The following CORO6 variants were observed in gnomAD, a reference collection of about 807,000 sequenced individuals.
The protein encoded by CORO6 is coronin 6.
Under a neutral mutation model 49.0 loss-of-function variants are expected in CORO6, and 43 were observed. The ratio of observed to expected loss-of-function variants is 0.88; its 90% confidence interval spans 0.69 to 1.13. CORO6 has a LOEUF of 1.13. CORO6 is among the 50% of genes most tolerant of loss of function. CORO6 has a pLI of 0.00. For synonymous variants in CORO6, 233 were observed against 256.5 expected (o/e 0.91, Z 0.88); for missense variants, 650 against 647.0 (o/e 1.00, Z -0.05).
rs780518511 is a variant in CORO6 at position 29,621,327 on chromosome 17, T to C, written c.95A>G (p.Lys32Arg). The C allele has an allele frequency of 3.7e-6, 6 of 1,614,188 alleles. No homozygotes were observed. Among genetic ancestry groups the C allele is most frequent in the Non-Finnish European group, 5.1e-6 (6 of 1,180,036 alleles). Residue 32 changes from lysine to arginine, a missense_variant, in exon 2 of 11, where the codon AAG (lysine) becomes AGG (arginine). Coordinates refer to ENST00000388767, the MANE Select transcript of CORO6 (RefSeq NM_032854.4). The surrounding 1 kb of genome is among the most constrained non-coding windows in gnomAD (Gnocchi z 4.2). The stretch of plus-strand genomic sequence containing the variant: ...ACAGAAGGAGCTGTCCCATGTGACC[T>C]TGGACACACGGATGTCCTCGTAGGC... The part of the protein sequence containing the change: ...DQAYEDIRVS[K>R]VTWDSSFCAV...
chr17:29,618,595 A>G, intron 5 of CORO6, 195 bp downstream of exon 5: 1 of 1,410,980 alleles, frequency 7.1e-7, no homozygotes, highest in Non-Finnish European at 9.2e-7. Flanking sequence ...GGAGCCGGGC[A>G]GAGAATTGCA....
Position 29,622,848 on chromosome 17 carries a change from C to T in CORO6, c.-224G>A. The T allele has an allele frequency of 6.9e-6, 9 of 1,303,024 alleles. No homozygotes were observed. The highest frequency in any genetic ancestry group is 9.1e-6 in the Non-Finnish European group (9 of 990,074). 80.7% of individuals were successfully genotyped at this position (1,303,024 alleles called of 1,614,324 possible). A position where few individuals can be genotyped will look rare whatever the true frequency, so the allele number is the denominator to read the frequency against. On this transcript the variant is annotated 5_prime_UTR_variant, in exon 1 of 11. Transcript: ENST00000388767. ...GTCCAGCTCCGCACTCTGGCCGATC[C>T]TGCGGCTCTCTAGAGCCCGGCGCCG...
Position 29,621,166 on chromosome 17 carries a change from A to G in CORO6, c.198+58T>C, listed in dbSNP as rs2035287760. ...AACTAGGTGAGAACAAAGGCTCAGG[A>G]GTTCCCAGGGGCCCCAGCTAGTGTC... On this transcript the variant is annotated intron_variant, in intron 2 of 10. Coordinates refer to ENST00000388767, the MANE Select transcript of CORO6 (RefSeq NM_032854.4). The surrounding 1 kb of genome is among the most constrained non-coding windows in gnomAD (Gnocchi z 4.2). The G allele has an allele frequency of 1.2e-6, 2 of 1,602,658 alleles. No homozygotes were observed. Among genetic ancestry groups the G allele is most frequent in the Admixed American group, 3.4e-5 (2 of 59,478 alleles).
chr17:29,622,707 G>C lies in CORO6; in HGVS notation c.-83C>G, dbSNP rs1479936108. ...GGGTACCTGGTCCTGAGCGGGCTGCGGGGCGCTCACGCTGCGAATCCTCTG... is the reference window on the plus strand; with the variant it reads ...GGGTACCTGGTCCTGAGCGGGCTGCCGGGCGCTCACGCTGCGAATCCTCTG... On this transcript the variant is annotated 5_prime_UTR_variant, in exon 1 of 11. Transcript: ENST00000388767. 4 of 1,282,962 alleles carry C rather than the reference G, an allele frequency of 3.1e-6. No homozygotes were observed. The highest frequency in any genetic ancestry group is 2.6e-5 in the South Asian group (2 of 77,356). The allele number at this position is 1,282,962 out of a possible 1,614,324, so 79.5% of individuals were successfully genotyped here.
intron 2 of CORO6, 94 bp from the exon 3 acceptor site, chr17:29,619,867 C>A: frequency 8.5e-7 from 1 of 1,180,046 alleles, no homozygotes; most frequent in South Asian, 1.4e-5. Flanking sequence ...TCCTTATTAC[C>A]TATTTTCTCT....
Position 29,616,287 on chromosome 17 carries a change from G to A in CORO6, c.1054C>T (p.Pro352Ser). The change falls in exon 9 of 11, where the codon CCC becomes TCC. Residue 352 changes from proline (P) to serine (S), a missense_variant. Physicochemically the swap from Pro to Ser is moderately conservative, Grantham distance 74. Transcript: ENST00000388767. The surrounding 1 kb of genome is among the most constrained non-coding windows in gnomAD (Gnocchi z 5.6). ...RKCEPIIMTVPRKSDLFQDDL... is the reference protein window; with the variant it reads ...RKCEPIIMTVSRKSDLFQDDL... ...TTCTCCCGGCCCCTCACCTTGCGGG[G>A]CACAGTCATGATGATAGGTTCACAC... is the stretch of plus-strand genomic sequence containing the variant. The A allele has an allele frequency of 6.2e-7, 1 of 1,611,004 alleles. No homozygotes were observed. Among genetic ancestry groups the A allele is most frequent in the South Asian group, 1.1e-5 (1 of 90,470 alleles).
intron 1 of CORO6, chr17:29,622,391 C>A (rs2035352639): frequency 1.0e-5 from 2 of 195,906 alleles, no homozygotes; most frequent in Admixed American, 6.3e-5. Context: ...GTGGCTCCTG[C>A]CCCACCCCAG....
At chr17:29,622,623 T>G (rs968213858) in intron 1 of CORO6, 65 bp downstream of exon 1, 1 of 972,704 alleles carries the variant, frequency 1.0e-6, no homozygotes, top group Non-Finnish European at 1.3e-6. Context: ...CGCAGACCTC[T>G]GCCCCTCAGG....
Position 29,619,727 on chromosome 17 carries a change from G to A in CORO6, c.245C>T (p.Ala82Val), listed in dbSNP as rs771642925. 1.2e-6 allele frequency: 2 copies of A among 1,612,526 alleles called. No individual in the cohort carries two copies. The highest frequency in any genetic ancestry group is 3.3e-5 in the Admixed American group (2 of 60,020). ...KNYPLVTGHT[A>V]PVLDIDWCPH... is the part of the protein sequence containing the mutation. ...ACACCAGTCAATATCCAGCACAGGG[G>A]CAGTGTGCCCAGTGACCAGTGGGTA... Residue 82 changes from alanine to valine, a missense_variant, in exon 3 of 11, where the codon GCC (alanine) becomes GTC (valine). Transcript: ENST00000388767.
At position 29,615,380 on chromosome 17, in the gene CORO6, A is replaced by G. The variant is rs11540702; in HGVS notation, c.*352T>C. On this transcript the variant is annotated 3_prime_UTR_variant, in exon 11 of 11. Coordinates refer to ENST00000388767, the MANE Select transcript of CORO6 (RefSeq NM_032854.4). ...CGTTTGAGGTCAAGCTCAGGCTCCA[A>G]TAACCCCAAGCATCACGCTAATACT... The G allele has an allele frequency of 0.043, 9,096 of 213,032 alleles. 351 individuals carry two copies. The highest frequency in any genetic ancestry group is 0.11 in the African/African-American group (4,843 of 43,720). The allele number at this position is 213,032 out of a possible 1,614,324, so 13.2% of individuals were successfully genotyped here. A position where few individuals can be genotyped will look rare whatever the true frequency, so the allele number is the denominator to read the frequency against.
intron 2 of CORO6, among the ~76,000 whole-genome samples, chr17:29,620,244 A>C (rs1473166090): frequency 6.6e-6 from 1 of 152,260 alleles, no homozygotes; most frequent in Non-Finnish European, 1.5e-5. Context: ...AGCAGCAAGC[A>C]GTCCTGGTGC....
chr17:29,616,991 C>A lies in CORO6; in HGVS notation c.805G>T (p.Val269Phe). The A allele has an allele frequency of 6.2e-7, 1 of 1,613,800 alleles. No individual in the cohort carries two copies. Among genetic ancestry groups the A allele is most frequent in the Non-Finnish European group, 8.5e-7 (1 of 1,180,028 alleles). Reference protein sequence around the residue: ...ALQEMDTSNGVLLPFYDPDSS... With the variant: ...ALQEMDTSNGFLLPFYDPDSS... The stretch of plus-strand genomic sequence containing the variant: ...TCGGGATCGTAAAAGGGCAATAGGA[C>A]CCCGTTGCTTGTGTCCATCTCCTGC... Residue 269 changes from valine to phenylalanine, a missense_variant, in exon 7 of 11, where the codon GTC (valine) becomes TTC (phenylalanine). Physicochemically the swap from Val to Phe is conservative, Grantham distance 50 (BLOSUM62 -1). Transcript: ENST00000388767. This position sits in a 1 kb window ranked among gnomAD's most constrained non-coding sequence, Gnocchi z 5.6.
chr17:29,622,864 C>T lies in CORO6; in HGVS notation c.-240G>A, dbSNP rs527420792. ...TGGCCGATCCTGCGGCTCTCTAGAG[C>T]CCGGCGCCGCTGCAGCCCCAGCTGC... On this transcript the variant is annotated 5_prime_UTR_variant, in exon 1 of 11. Coordinates refer to ENST00000388767, the MANE Select transcript of CORO6 (RefSeq NM_032854.4). 2.1e-4 allele frequency: 269 copies of T among 1,297,152 alleles called. No homozygotes were observed. In the African/African-American group the frequency reaches 3.9e-3, roughly 19 times the overall value. 80.4% of individuals were successfully genotyped at this position (1,297,152 alleles called of 1,614,324 possible).
In CORO6 at chr17:29,619,730, G is replaced by A; in HGVS notation, c.242C>T (p.Thr81Ile). ...CCAGTCAATATCCAGCACAGGGGCAGTGTGCCCAGTGACCAGTGGGTAGTT... is the reference window on the plus strand; with the variant it reads ...CCAGTCAATATCCAGCACAGGGGCAATGTGCCCAGTGACCAGTGGGTAGTT... ...DKNYPLVTGH[T>I]APVLDIDWCP... The change falls in exon 3 of 11, where the codon ACT (threonine) becomes ATT (isoleucine). Residue 81 changes from threonine to isoleucine, a missense_variant. By Grantham distance (89) the Thr-to-Ile change is moderately conservative. Coordinates refer to ENST00000388767, the MANE Select transcript of CORO6 (RefSeq NM_032854.4). 6.2e-7 allele frequency: 1 copy of A among 1,612,074 alleles called. No homozygotes were observed. The highest frequency in any genetic ancestry group is 8.5e-7 in the Non-Finnish European group (1 of 1,178,112).
In CORO6 at chr17:29,616,312, C is replaced by G; in HGVS notation, c.1029G>C (p.Lys343Asn). The change falls in exon 9 of 11, where the codon AAG (lysine) becomes AAC (asparagine). Residue 343 changes from lysine to asparagine, a missense_variant. By Grantham distance (94) the Lys-to-Asn change is moderately conservative. Coordinates refer to ENST00000388767, the MANE Select transcript of CORO6 (RefSeq NM_032854.4). The surrounding 1 kb of genome is among the most constrained non-coding windows in gnomAD (Gnocchi z 5.6). ...GCACAGTCATGATGATAGGTTCACA[C>G]TTTCTTTCGTGTAGCTTGTAGAACC... ...IARFYKLHER[K>N]CEPIIMTVPR... The G allele has an allele frequency of 6.2e-7, 1 of 1,609,786 alleles. No individual in the cohort carries two copies. Among genetic ancestry groups the G allele is most frequent in the Non-Finnish European group, 8.5e-7 (1 of 1,177,940 alleles).
rs577590299 is a variant in CORO6 at position 29,618,405 on chromosome 17, G to A, written c.633+385C>T. ...GGAGAAAGGGCCAGCCCTCGAGCCA[G>A]TGTCAGGCCCCAGACCCTGGAAGAT... On this transcript the variant is annotated intron_variant, in intron 5 of 10. Transcript: ENST00000388767. 8.5e-6 allele frequency: 11 copies of A among 1,287,022 alleles called. No homozygotes were observed. In the African/African-American group the frequency reaches 1.4e-4, roughly 16 times the overall value. 79.7% of individuals were successfully genotyped at this position (1,287,022 alleles called of 1,614,324 possible).
Position 29,618,926 on chromosome 17 carries a change from ACCTCC to A in CORO6, c.492_496del (p.Glu165AlafsTer6). ...GTGCATATCATCCAGGCTCAGCAGCACCTCCCCGGTGCCCACATTCCAGATGATGA... is the reference window on the plus strand; with the variant it reads ...GTGCATATCATCCAGGCTCAGCAGCACCGGTGCCCACATTCCAGATGATGA... On this transcript the variant is annotated frameshift_variant, in exon 5 of 11. Transcript: ENST00000388767. LOFTEE classifies it high-confidence loss of function. The A allele has an allele frequency of 1.9e-6, 3 of 1,613,350 alleles. No homozygotes were observed. The highest frequency in any genetic ancestry group is 2.5e-6 in the Non-Finnish European group (3 of 1,179,910).
chr17:29,618,899 G>A lies in CORO6; in HGVS notation c.524C>T (p.Pro175Leu). Residue 175 changes from proline (P) to leucine (L), a missense_variant, in exon 5 of 11, where the codon CCA becomes CTA. Coordinates refer to ENST00000388767, the MANE Select transcript of CORO6 (RefSeq NM_032854.4). ...CCAGCACACACTGTGGATGACGTCT[G>A]GGTGCATATCATCCAGGCTCAGCAG... The part of the protein sequence containing the change: ...EVLLSLDDMH[P>L]DVIHSVCWNS... 2.5e-6 allele frequency: 4 copies of A among 1,613,958 alleles called. No individual in the cohort carries two copies. Among genetic ancestry groups the A allele is most frequent in the Non-Finnish European group, 3.4e-6 (4 of 1,180,002 alleles).
chr17:29,616,783 G>C lies in CORO6; in HGVS notation c.923C>G (p.Thr308Arg). The part of the protein sequence containing the change: ...DEPPFVHYLN[T>R]FSSKEPQRGM... ...CCGCTGCGGCTCTTTGCTGCTGAACGTGTTCAGGTAGTGCACGAAAGGCGG... is the reference window on the plus strand; with the variant it reads ...CCGCTGCGGCTCTTTGCTGCTGAACCTGTTCAGGTAGTGCACGAAAGGCGG... Residue 308 changes from threonine to arginine, a missense_variant, in exon 8 of 11, where the codon ACG (threonine) becomes AGG (arginine). By Grantham distance (71) the Thr-to-Arg change is moderately conservative. Transcript: ENST00000388767. The surrounding 1 kb of genome is among the most constrained non-coding windows in gnomAD (Gnocchi z 5.6). The C allele has an allele frequency of 6.2e-7, 1 of 1,613,894 alleles. No homozygotes were observed. The highest frequency in any genetic ancestry group is 8.5e-7 in the Non-Finnish European group (1 of 1,179,960).
Sources: gnomAD v4.1 joint callset for allele counts (sites outside exome capture counted in the v4.1 genomes callset) on GRCh38, gnomAD v4.1.1 for gene constraint, Gnocchi (gnomAD v3.1) non-coding constraint, MANE v1.5 for transcripts, NCBI Gene and HGNC (gene_info 2026-07-23, HGNC 2026-07-21) for gene names.